AKAP6: variants seen among roughly 807,000 people sequenced by gnomAD.
AKAP6 encodes the protein A-kinase anchor protein 6.
In AKAP6, 58 loss-of-function variants were observed where a neutral mutation model predicts 188.5. That is an observed-to-expected ratio of 0.31 (90% CI 0.25 to 0.38). The LOEUF (loss-of-function observed/expected upper bound fraction) is 0.38. AKAP6 is among the 10% of genes least tolerant of loss of function. The pLI is 1.00. For synonymous variants in AKAP6, 989 were observed against 998.6 expected, an observed-to-expected ratio of 0.99 and a Z score of 0.18; for missense variants, 2,710 against 2,740.0, an observed-to-expected ratio of 0.99 and a Z score of 0.24.
In AKAP6 at chr14:32,824,752, A is replaced by G; in HGVS notation, c.6939A>G (p.Arg2313=). ...EENLLNLHEK[R]HRNMHR is the part of the protein sequence containing the mutation. ...ATCTTCTAAACCTTCATGAAAAACG[A>G]CATAGAAATATGCATAGGTAGAATG... The change falls in exon 13 of 14, where the codon CGA becomes CGG. Residue 2313 remains arginine, a synonymous_variant. Coordinates refer to ENST00000280979, the MANE Select transcript of AKAP6 (RefSeq NM_004274.5). 6.2e-7 allele frequency: 1 copy of G among 1,612,516 alleles called. No homozygotes were observed. The highest frequency in any genetic ancestry group is 8.5e-7 in the Non-Finnish European group (1 of 1,179,444).
intron 7 of AKAP6, among the ~76,000 whole-genome samples, chr14:32,667,806 C>T (rs1470682539): frequency 2.0e-5 from 3 of 152,018 alleles, no homozygotes; most frequent in African/African-American, 7.2e-5. Flanking sequence ...TAAAGTAATT[C>T]TTGTTGTTCC....
chr14:32,492,842 A>G (rs912803113), intron 2 of AKAP6, among the ~76,000 whole-genome samples: 1 of 152,192 alleles, frequency 6.6e-6, no homozygotes, highest in Non-Finnish European at 1.5e-5. Flanking sequence ...TCTTATTCTT[A>G]AAGGATATTC....
intron 1 of AKAP6, among the ~76,000 whole-genome samples, chr14:32,355,249 TATA>T (rs1887439960): frequency 1.8e-5 from 2 of 110,654 alleles, no homozygotes; most frequent in Non-Finnish European, 4.3e-5. Flanking sequence ...TTTATTTTCT[TATA>T]GTATAGACCA....
At chr14:32,719,549 A>G (rs931698200) in intron 9 of AKAP6, among the ~76,000 whole-genome samples, 3 of 152,184 alleles carry the variant, frequency 2.0e-5, no homozygotes, top group African/African-American at 7.2e-5. Flanking sequence ...TTGAGGAAAT[A>G]TCAACAGAGT....
At chr14:32,349,456 T>C (rs952208687) in intron 1 of AKAP6, among the ~76,000 whole-genome samples, 1 of 152,232 alleles carries the variant, frequency 6.6e-6, no homozygotes, top group Non-Finnish European at 1.5e-5. Context: ...GAGCGTCTAT[T>C]TCTTGGCCTT....
intron 12 of AKAP6, among the ~76,000 whole-genome samples, chr14:32,786,297 T>TGG (rs1566710091): frequency 2.4e-5 from 2 of 83,380 alleles, no homozygotes; most frequent in African/African-American, 9.1e-5. Flanking sequence ...TAAACCTTTA[T>TGG]CTTTTTTTTT....
chr14:32,413,768 T>A (rs1889568254), intron 1 of AKAP6, among the ~76,000 whole-genome samples: 1 of 152,084 alleles, frequency 6.6e-6, no homozygotes, highest in Non-Finnish European at 1.5e-5. Context: ...ATCCTCCTTG[T>A]CACAGTTTGA....
intron 7 of AKAP6, among the ~76,000 whole-genome samples, chr14:32,641,008 A>G (rs757343551): frequency 6.6e-6 from 1 of 152,176 alleles, no homozygotes; most frequent in Non-Finnish European, 1.5e-5. Flanking sequence ...TACCACCTAG[A>G]GAATCCTCAG....
At chr14:32,712,976 TG>T (rs34773020) in intron 9 of AKAP6, among the ~76,000 whole-genome samples, 49,645 of 151,978 alleles carry the variant, frequency 0.33, 8,616 homozygotes, top group South Asian at 0.47. Flanking sequence ...TCACTATCTA[TG>T]GCAGCTATAG....
chr14:32,538,990 T>C (rs1330547274), intron 3 of AKAP6, among the ~76,000 whole-genome samples: 1 of 152,206 alleles, frequency 6.6e-6, no homozygotes, highest in Non-Finnish European at 1.5e-5. Context: ...TTCCCTGCCT[T>C]TCTTCCTTCT....
chr14:32,579,357 T>C (rs1221894600), intron 5 of AKAP6, among the ~76,000 whole-genome samples: 1 of 152,196 alleles, frequency 6.6e-6, no homozygotes, highest in Non-Finnish European at 1.5e-5. Context: ...TTTTCTTAGA[T>C]GAGTTTTCTC....
chr14:32,687,942 C>A (rs142220187), intron 8 of AKAP6, among the ~76,000 whole-genome samples: 1 of 152,128 alleles, frequency 6.6e-6, no homozygotes, highest in African/African-American at 2.4e-5. Context: ...TATTATTACA[C>A]CCCTTTAATG....
intron 13 of AKAP6, among the ~76,000 whole-genome samples, chr14:32,826,961 T>A (rs2034689631): frequency 6.6e-6 from 1 of 152,200 alleles, no homozygotes; most frequent in African/African-American, 2.4e-5. Flanking sequence ...CTAGAGCCAT[T>A]TAAATAGCCA....
At chr14:32,535,978 C>T (rs2139117561) in intron 3 of AKAP6, among the ~76,000 whole-genome samples, 173 bp downstream of exon 3, 1 of 152,354 alleles carries the variant, frequency 6.6e-6, no homozygotes, top group Non-Finnish European at 1.5e-5. Flanking sequence ...ATGAATGGGG[C>T]TTTAGACCAG....
At chr14:32,458,862 G>T (rs1229206467) in intron 2 of AKAP6, among the ~76,000 whole-genome samples, 1 of 152,124 alleles carries the variant, frequency 6.6e-6, no homozygotes, top group African/African-American at 2.4e-5. Flanking sequence ...TTTCAGGAAT[G>T]AAGACTATGC....
At chr14:32,540,168 C>CTCTATATATATA (rs1240063339) in intron 3 of AKAP6, among the ~76,000 whole-genome samples, 19 of 60,906 alleles carry the variant, frequency 3.1e-4, no homozygotes, top group African/African-American at 1.7e-3. Context: ...CTCTCTCTCT[C>CTCTATATATATA]TATATATATA....
intron 2 of AKAP6, among the ~76,000 whole-genome samples, chr14:32,471,708 G>GA (rs1375058412): frequency 2.0e-5 from 3 of 152,150 alleles, no homozygotes; most frequent in African/African-American, 7.2e-5. Context: ...ATTGTTCATT[G>GA]AGACATGTAC....
intron 1 of AKAP6, among the ~76,000 whole-genome samples, chr14:32,386,543 C>T (rs1367167642): frequency 6.6e-6 from 1 of 151,912 alleles, no homozygotes; most frequent in Non-Finnish European, 1.5e-5. Flanking sequence ...GATTTTTTTC[C>T]CATTCTTGGG....
chr14:32,483,017 C>T (rs1248158920), intron 2 of AKAP6, among the ~76,000 whole-genome samples: 1 of 51,732 alleles, frequency 1.9e-5, no homozygotes, highest in African/African-American at 6.5e-5. Context: ...ATATATGTAT[C>T]TTGCATTGGT....
Sources: allele counts gnomAD v4.1 joint callset (sites outside exome capture counted in the v4.1 genomes callset), GRCh38; gene constraint gnomAD v4.1.1; transcripts MANE v1.5; gene names NCBI Gene and HGNC (gene_info 2026-07-23, HGNC 2026-07-21).